The following RANBP2 variants were observed in gnomAD, a reference collection of about 807,000 sequenced individuals.
RANBP2 encodes the protein E3 SUMO-protein ligase RanBP2.
A neutral mutation model predicts 303.6 loss-of-function variants in RANBP2; 57 were observed. The observed-to-expected ratio is 0.19, with a 90% CI of 0.15 to 0.23. RANBP2 has a LOEUF of 0.23. Among genes scored for constraint, RANBP2 ranks in the 10% least tolerant of loss-of-function variants. The probability of loss-of-function intolerance (pLI) is 1.00; values close to 1 mark genes in which losing one functional copy is unlikely to be tolerated. For missense variants in RANBP2, 3,138 were observed against 3,780.8 expected (o/e 0.83, Z 4.46); for synonymous variants, 1,167 against 1,301.5 (o/e 0.90, Z 2.23).
chr2:109,591,146 T>C, the RANBP2 span, among the ~76,000 whole-genome samples: 2 of 152,364 alleles, frequency 1.3e-5, no homozygotes, highest in Admixed American at 6.5e-5. Context: ...ATCTTCATAT[T>C]TTTTTAAAGA....
At chr2:109,291,240 C>T in the RANBP2 span, among the ~76,000 whole-genome samples, 3 of 150,456 alleles carry the variant, frequency 2.0e-5, no homozygotes. Flanking sequence ...CAGAAAGCAA[C>T]AACAGAAGGC....
At chr2:108,857,278 C>T in the RANBP2 span, among the ~76,000 whole-genome samples, 1 of 151,920 alleles carries the variant, frequency 6.6e-6, no homozygotes, top group African/African-American at 2.4e-5. Flanking sequence ...GGGGTTTCAC[C>T]ATGTTGGCCA....
chr2:108,942,255 G>A, the RANBP2 span, among the ~76,000 whole-genome samples: 15 of 152,334 alleles, frequency 9.8e-5, 1 homozygote, highest in African/African-American at 3.1e-4. Flanking sequence ...GAGGGTGAGC[G>A]ACTTGCTAAG....
At chr2:109,507,539 A>C in the RANBP2 span, among the ~76,000 whole-genome samples, 2 of 152,198 alleles carry the variant, frequency 1.3e-5, no homozygotes, top group Non-Finnish European at 2.9e-5. Context: ...CTCCAGCACC[A>C]GAAGCAGTGG....
At chr2:109,279,042 G>T in the RANBP2 span, among the ~76,000 whole-genome samples, 2 of 152,174 alleles carry the variant, frequency 1.3e-5, no homozygotes, top group Admixed American at 1.3e-4. Context: ...TTCTTCCAGG[G>T]TGATGGGGGA....
intron 21 of RANBP2, 40 bp from the exon 22 acceptor site, chr2:108,772,449 A>G: frequency 6.3e-7 from 1 of 1,576,236 alleles, no homozygotes; most frequent in Non-Finnish European, 8.7e-7. Flanking sequence ...AAAACCCCCC[A>G]AAATTAACTA....
At chr2:109,060,134 G>A in the RANBP2 span, among the ~76,000 whole-genome samples, 26 of 151,946 alleles carry the variant, frequency 1.7e-4, no homozygotes, top group Admixed American at 1.6e-3. Context: ...TGAAAATGGA[G>A]AATTTTGCAG....
chr2:109,035,005 C>A, the RANBP2 span, among the ~76,000 whole-genome samples: 3 of 152,094 alleles, frequency 2.0e-5, no homozygotes, highest in Non-Finnish European at 4.4e-5. Flanking sequence ...TGGTGGGGGC[C>A]ATTAGCCAGA....
the RANBP2 span, among the ~76,000 whole-genome samples, chr2:108,913,331 C>A: frequency 6.6e-6 from 1 of 152,126 alleles, no homozygotes. Flanking sequence ...TTGCAAGCCT[C>A]ACCAACTCAA....
the RANBP2 span, chr2:108,907,854 C>G: frequency 1.9e-6 from 3 of 1,613,416 alleles, no homozygotes; most frequent in African/African-American, 4.0e-5. Context: ...CCTGCAGGAG[C>G]CTCACCCCGG....
the RANBP2 span, among the ~76,000 whole-genome samples, chr2:109,078,098 A>ATATATATATATATATATATATATGGCG: frequency 1.5e-4 from 9 of 60,054 alleles, no homozygotes; most frequent in African/African-American, 6.8e-4. Flanking sequence ...ATATATATAT[A>ATATATATATATATATATATATATGGCG]TATATATATA....
At chr2:109,074,969 T>A in the RANBP2 span, among the ~76,000 whole-genome samples, 4 of 125,396 alleles carry the variant, frequency 3.2e-5, no homozygotes, top group Non-Finnish European at 6.4e-5. Flanking sequence ...GAGATTGTAG[T>A]GAGCCGAGAT....
the RANBP2 span, among the ~76,000 whole-genome samples, chr2:109,376,523 G>A: frequency 6.6e-6 from 1 of 152,166 alleles, no homozygotes; most frequent in African/African-American, 2.4e-5. Flanking sequence ...GGCCAGGATC[G>A]TGATCCAAAA....
chr2:109,097,069 G>A, the RANBP2 span, among the ~76,000 whole-genome samples: 1 of 152,110 alleles, frequency 6.6e-6, no homozygotes, highest in East Asian at 1.9e-4. Context: ...ACTTTCAGAG[G>A]CCGAGGTGGG....
chr2:109,235,821 G>A, the RANBP2 span, among the ~76,000 whole-genome samples: 1 of 152,216 alleles, frequency 6.6e-6, no homozygotes, highest in Non-Finnish European at 1.5e-5. Context: ...CGGCACCAGG[G>A]TGGGCCTCCT....
the RANBP2 span, among the ~76,000 whole-genome samples, chr2:109,049,286 C>T: frequency 1.3e-5 from 2 of 152,232 alleles, no homozygotes; most frequent in Non-Finnish European, 2.9e-5. Context: ...AGGGAGATGC[C>T]TTCTTTCTCT....
the RANBP2 span, among the ~76,000 whole-genome samples, chr2:109,131,959 C>G: frequency 2.0e-5 from 3 of 152,186 alleles, no homozygotes; most frequent in Non-Finnish European, 4.4e-5. Context: ...GCATTAGGTC[C>G]AGCACATGCT....
the RANBP2 span, among the ~76,000 whole-genome samples, chr2:109,433,738 G>T: frequency 6.6e-6 from 1 of 152,232 alleles, no homozygotes; most frequent in Non-Finnish European, 1.5e-5. Context: ...GTGCCCAGAA[G>T]CGGGGGCTAA....
chr2:109,556,105 G>A, the RANBP2 span, among the ~76,000 whole-genome samples: 6 of 152,278 alleles, frequency 3.9e-5, 1 homozygote, highest in African/African-American at 1.4e-4. Flanking sequence ...AAATTTCTGG[G>A]AAGAGGAGGA....
Sources: gnomAD v4.1 joint callset for allele counts (sites outside exome capture counted in the v4.1 genomes callset) on GRCh38, gnomAD v4.1.1 for gene constraint, MANE v1.5 for transcripts, NCBI Gene and HGNC (gene_info 2026-07-23, HGNC 2026-07-21) for gene names.